The following IFT80 variants were observed in gnomAD, a reference collection of about 807,000 sequenced individuals.
The protein encoded by IFT80 is intraflagellar transport 80.
IFT80 carries 79 observed loss-of-function variants against 107.9 expected under a neutral mutation model. That is an observed-to-expected ratio of 0.73 (90% CI 0.61 to 0.88). The LOEUF is 0.88. IFT80 is among the 40% of genes least tolerant of loss of function. The pLI, the probability that IFT80 is intolerant of heterozygous loss-of-function variation, is 0.00. For synonymous variants in IFT80, 299 were observed against 300.9 expected, an observed-to-expected ratio of 0.99 and a Z score of 0.07; for missense variants, 797 against 914.2, an observed-to-expected ratio of 0.87 and a Z score of 1.65.
chr3:160,373,036 G>C (rs1711652342), intron 5 of IFT80, among the ~76,000 whole-genome samples: 1 of 152,072 alleles, frequency 6.6e-6, no homozygotes, highest in African/African-American at 2.4e-5. Context: ...ATGGGATTAG[G>C]CAATAGCTTC....
chr3:160,378,176 G>T (rs1026371933), intron 3 of IFT80, among the ~76,000 whole-genome samples: 1 of 151,274 alleles, frequency 6.6e-6, no homozygotes, highest in Admixed American at 6.6e-5. Context: ...TTTAAACTTG[G>T]GATTATCCAT....
intron 19 of IFT80, among the ~76,000 whole-genome samples, chr3:160,262,133 A>G (rs1251319092): frequency 6.6e-6 from 1 of 152,182 alleles, no homozygotes; most frequent in African/African-American, 2.4e-5. Context: ...AGAGAAAAAC[A>G]AGCCGGTTCA....
intron 1 of IFT80, among the ~76,000 whole-genome samples, chr3:160,392,664 C>T (rs1018506698): frequency 6.6e-6 from 1 of 152,184 alleles, no homozygotes; most frequent in Non-Finnish European, 1.5e-5. Context: ...CCACTATGAC[C>T]GCAATCCAAG....
At chr3:160,281,091 ATCC>A (rs1384276584) in intron 14 of IFT80, among the ~76,000 whole-genome samples, 3 of 152,158 alleles carry the variant, frequency 2.0e-5, no homozygotes, top group Non-Finnish European at 2.9e-5. Flanking sequence ...TAATAAGTTA[ATCC>A]TCTTGCCCTC....
chr3:160,382,997 T>C (rs577224264), intron 2 of IFT80, among the ~76,000 whole-genome samples: 2 of 152,314 alleles, frequency 1.3e-5, no homozygotes, highest in East Asian at 3.9e-4. Flanking sequence ...TGTATTATTA[T>C]TGCTGTCGCC....
At chr3:160,309,715 C>T (rs1321619124) in intron 9 of IFT80, among the ~76,000 whole-genome samples, 1 of 151,052 alleles carries the variant, frequency 6.6e-6, no homozygotes, top group Admixed American at 6.6e-5. Flanking sequence ...TGCAGAACAG[C>T]GTGTATAGTA....
At chr3:160,355,334 C>T (rs573457233) in intron 8 of IFT80, among the ~76,000 whole-genome samples, 12 of 152,154 alleles carry the variant, frequency 7.9e-5, no homozygotes, top group Admixed American at 1.3e-4. Flanking sequence ...CTACAGCCTC[C>T]ACCTCCTGGG....
At chr3:160,337,416 G>C (rs569051060) in intron 8 of IFT80, among the ~76,000 whole-genome samples, 14 of 152,228 alleles carry the variant, frequency 9.2e-5, no homozygotes, top group Non-Finnish European at 1.8e-4. Context: ...ATGAGGTCAG[G>C]AGTTCAAGAC....
At chr3:160,320,246 G>A (rs1718109502) in intron 8 of IFT80, 1 of 220,112 alleles carries the variant, frequency 4.5e-6, no homozygotes, top group Admixed American at 5.4e-5. Flanking sequence ...CAAAGATTCT[G>A]TAGAAAAAAC....
In IFT80 at chr3:160,284,030, A is replaced by C. The variant is rs545472848; in HGVS notation, c.1381-1417T>G. Among the ~76,000 whole-genome samples the C allele has an allele frequency of 4.6e-5, 7 of 152,282 alleles. No homozygotes were observed. In the South Asian group the frequency reaches 1.5e-3, roughly 32 times the overall value. On this transcript the variant is annotated intron_variant, in intron 13 of 19. Coordinates refer to ENST00000326448, the MANE Select transcript of IFT80 (RefSeq NM_020800.3). Reference sequence around the variant, plus strand: ...TGTTATTGGGAAGATCCTGGATATGAATTTCTTCCACATATAAAATAAAAT... The same window carrying C: ...TGTTATTGGGAAGATCCTGGATATGCATTTCTTCCACATATAAAATAAAAT...
chr3:160,394,711 C>T (rs879726160), intron 1 of IFT80, among the ~76,000 whole-genome samples: 2 of 151,528 alleles, frequency 1.3e-5, no homozygotes, highest in Non-Finnish European at 2.9e-5. Context: ...GATTGTGCCA[C>T]TACGCTCCAG....
At chr3:160,348,657 T>C (rs1720464076) in intron 8 of IFT80, among the ~76,000 whole-genome samples, 1 of 152,218 alleles carries the variant, frequency 6.6e-6, no homozygotes, top group Non-Finnish European at 1.5e-5. Context: ...CATAGCAGCA[T>C]GATTTCTAAT....
At chr3:160,375,909 ATT>A in intron 4 of IFT80, 29 bp from the exon 5 acceptor site, 1 of 1,359,920 alleles carries the variant, frequency 7.4e-7, no homozygotes, top group Non-Finnish European at 1.0e-6. Context: ...ATTAATCAGT[ATT>A]TTTACCTATA....
intron 8 of IFT80, among the ~76,000 whole-genome samples, chr3:160,345,586 C>T (rs999305651): frequency 6.7e-6 from 1 of 148,970 alleles, no homozygotes; most frequent in Non-Finnish European, 1.5e-5. Context: ...CTCAGCTACT[C>T]GGGAGGCTGA....
chr3:160,384,140 G>T (rs1396150595), intron 2 of IFT80: 3 of 193,374 alleles, frequency 1.6e-5, no homozygotes, highest in Non-Finnish European at 2.8e-5. Context: ...AGCTGCTCAG[G>T]AGGCTGAGGC....
chr3:160,330,093 A>G (rs575166445), intron 8 of IFT80, among the ~76,000 whole-genome samples: 29 of 152,340 alleles, frequency 1.9e-4, no homozygotes, highest in Non-Finnish European at 4.0e-4. Context: ...GAAGCTTTTA[A>G]CAAGCTCTTG....
intron 19 of IFT80, among the ~76,000 whole-genome samples, chr3:160,259,206 T>C (rs1256263537): frequency 6.6e-6 from 1 of 152,106 alleles, no homozygotes; most frequent in African/African-American, 2.4e-5. Context: ...AAGACTCTCA[T>C]TGTGATTTAA....
In IFT80 at chr3:160,290,914, G is replaced by A. The variant is rs368817814; in HGVS notation, c.1316-5046C>T. Among the ~76,000 whole-genome samples, 85 of 152,120 alleles carry A rather than the reference G, an allele frequency of 5.6e-4. 1 individual carries two copies. Among genetic ancestry groups the A allele is most frequent in the East Asian group, 5.8e-4 (3 of 5,172 alleles). On this transcript the variant is annotated intron_variant, in intron 12 of 19. Coordinates refer to ENST00000326448, the MANE Select transcript of IFT80 (RefSeq NM_020800.3). ...TCTCATTTACCAGGATATATTATGC[G>A]GACTGATATTATGTCTGACTGGAGA...
At chr3:160,322,443 C>T (rs1339626894) in intron 8 of IFT80, among the ~76,000 whole-genome samples, 1 of 151,914 alleles carries the variant, frequency 6.6e-6, no homozygotes, top group Admixed American at 6.6e-5. Context: ...CATTGTTGGA[C>T]ATTTGGGTTG....
Sources: gnomAD v4.1 joint callset for allele counts (sites outside exome capture counted in the v4.1 genomes callset) on GRCh38, gnomAD v4.1.1 for gene constraint, MANE v1.5 for transcripts, NCBI Gene and HGNC (gene_info 2026-07-23, HGNC 2026-07-21) for gene names.